GZMM: variants seen among roughly 807,000 people sequenced by gnomAD.
GZMM encodes the protein HU-Met-1.
In GZMM, 23 loss-of-function variants were observed where a neutral mutation model predicts 19.2. That is an observed-to-expected ratio of 1.20 (90% CI 0.86 to 1.69). The LOEUF (loss-of-function observed/expected upper bound fraction) is 1.69. Ranked by LOEUF, GZMM falls within the 40% of genes most tolerant of loss-of-function variation. The pLI is 0.00. For synonymous variants in GZMM, 178 were observed against 160.2 expected (o/e 1.11, Z -0.84); for missense variants, 373 against 352.2 (o/e 1.06, Z -0.47).
intron 1 of GZMM, among the ~76,000 whole-genome samples, chr19:544,486 C>T (rs114254777): frequency 0.018 from 2,801 of 152,180 alleles, 91 homozygotes; most frequent in African/African-American, 0.064. Flanking sequence ...ACTCGATCCC[C>T]GCTGGCTGCC....
Position 547,405 on chromosome 19 carries a change from G to A in GZMM, c.181G>A (p.Val61Met), listed in dbSNP as rs1378376363. ...CGGVLVHPKW[V>M]LTAAHCLAQR... ...GGGTGTCCTGGTGCACCCAAAGTGG[G>A]TGCTGACGGCTGCCCACTGCCTGGC... The change falls in exon 2 of 5, where the codon GTG (valine) becomes ATG (methionine). Residue 61 changes from valine to methionine, a missense_variant. Transcript: ENST00000264553. 1.3e-6 allele frequency: 2 copies of A among 1,502,480 alleles called. No individual in the cohort carries two copies. The highest frequency in any genetic ancestry group is 2.9e-5 in the African/African-American group (2 of 69,972). 93.1% of individuals were successfully genotyped at this position (1,502,480 alleles called of 1,614,324 possible). A position where few individuals can be genotyped will look rare whatever the true frequency, so the allele number is the denominator to read the frequency against.
At chr19:547,241 T>C in intron 1 of GZMM, 39 bp from the exon 2 acceptor site, 3 of 1,462,386 alleles carry the variant, frequency 2.1e-6, no homozygotes, top group South Asian at 1.4e-5. Flanking sequence ...AGCAGGGGCA[T>C]GTAGCCCCAA....
At position 547,222 on chromosome 19, in the gene GZMM, G is replaced by A. The variant is rs566770452; in HGVS notation, c.56-58G>A. 4.0e-5 allele frequency: 56 copies of A among 1,416,704 alleles called. No individual in the cohort carries two copies. The Middle Eastern group carries it at 7.5e-4, about 19-fold the overall frequency. 87.8% of individuals were successfully genotyped at this position (1,416,704 alleles called of 1,614,324 possible). A position where few individuals can be genotyped will look rare whatever the true frequency, so the allele number is the denominator to read the frequency against. The stretch of plus-strand genomic sequence containing the variant: ...GCCTCTGAGCTGGGCAAGGACAGTC[G>A]CAGCAGGCAGCAGGGGCATGTAGCC... On this transcript the variant is annotated intron_variant, in intron 1 of 4. Transcript: ENST00000264553.
At position 549,089 on chromosome 19, in the gene GZMM, C is replaced by T. The variant is rs891487006; in HGVS notation, c.516C>T (p.Asp172=). 2.5e-6 allele frequency: 4 copies of T among 1,587,084 alleles called. No individual in the cohort carries two copies. The highest frequency in any genetic ancestry group is 2.3e-5 in the East Asian group (1 of 43,818). The change falls in exon 4 of 5, where the codon GAC becomes GAT. Residue 172 remains aspartate (D), a synonymous_variant. Coordinates refer to ENST00000264553, the MANE Select transcript of GZMM (RefSeq NM_005317.4). Reference sequence around the variant, plus strand: ...GGGAGCTGGACCTCCAAGTGCTGGACACCCGCATGTGTAACAACAGCCGCT... The same window carrying T: ...GGGAGCTGGACCTCCAAGTGCTGGATACCCGCATGTGTAACAACAGCCGCT... ...VLRELDLQVL[D]TRMCNNSRFW...
intron 1 of GZMM, among the ~76,000 whole-genome samples, chr19:545,593 T>C (rs4919844): frequency 0.58 from 88,499 of 151,422 alleles, 28,405 homozygotes; most frequent in Non-Finnish European, 0.72. Context: ...GTGATCCGCC[T>C]GCCTCGGCCT....
intron 3 of GZMM, 40 bp downstream of exon 3, chr19:548,717 G>T (rs199959962): frequency 3.8e-6 from 6 of 1,599,300 alleles, no homozygotes; most frequent in Non-Finnish European, 5.1e-6. Context: ...GCACCCTCCT[G>T]TCCCCCACGG....
chr19:545,139 G>A (rs757220183), intron 1 of GZMM, among the ~76,000 whole-genome samples: 3 of 101,988 alleles, frequency 2.9e-5, no homozygotes, highest in Non-Finnish European at 6.0e-5. Flanking sequence ...GTATCCATCC[G>A]TATTTGCAGG....
At chr19:545,529 T>G (rs920748732) in intron 1 of GZMM, among the ~76,000 whole-genome samples, 20 of 151,806 alleles carry the variant, frequency 1.3e-4, no homozygotes, top group African/African-American at 4.4e-4. Context: ...GTATTTTTAG[T>G]AGAGACAGGG....
At chr19:549,500 G>A in intron 4 of GZMM, 130 bp from the exon 5 acceptor site, 1 of 955,542 alleles carries the variant, frequency 1.0e-6, no homozygotes, top group Non-Finnish European at 1.5e-6. Flanking sequence ...ACACGCGTGG[G>A]CCGGGAGCAG....
chr19:548,622 A>T lies in GZMM; in HGVS notation c.293A>T (p.Gln98Leu). ...ACCTTCCACATCAAGGCAGCCATCCAGCACCCTCGCTACAAGCCCGTCCCT... is the reference window on the plus strand; with the variant it reads ...ACCTTCCACATCAAGGCAGCCATCCTGCACCCTCGCTACAAGCCCGTCCCT... ...GLTFHIKAAI[Q>L]HPRYKPVPAL... is the part of the protein sequence containing the mutation. Residue 98 changes from glutamine to leucine, a missense_variant, in exon 3 of 5, where the codon CAG becomes CTG. Coordinates refer to ENST00000264553, the MANE Select transcript of GZMM (RefSeq NM_005317.4). 3.1e-6 allele frequency: 5 copies of T among 1,613,596 alleles called. No homozygotes were observed. Among genetic ancestry groups the T allele is most frequent in the Non-Finnish European group, 4.2e-6 (5 of 1,179,754 alleles).
At chr19:549,438 G>A (rs945985262) in intron 4 of GZMM, among the ~76,000 whole-genome samples, 192 bp from the exon 5 acceptor site, 5 of 152,326 alleles carry the variant, frequency 3.3e-5, no homozygotes, top group African/African-American at 9.6e-5. Flanking sequence ...AAGACGGTCC[G>A]GCGGGGGAAG....
At chr19:546,660 A>C (rs1003525246) in intron 1 of GZMM, among the ~76,000 whole-genome samples, 1 of 151,336 alleles carries the variant, frequency 6.6e-6, no homozygotes, top group Non-Finnish European at 1.5e-5. Context: ...TAACATGGTG[A>C]AACCCCATCT....
intron 1 of GZMM, among the ~76,000 whole-genome samples, chr19:545,833 CGG>C (rs1188714557): frequency 6.6e-6 from 1 of 151,210 alleles, no homozygotes; most frequent in Non-Finnish European, 1.5e-5. Flanking sequence ...TTAGTAGAGA[CGG>C]GGTTTCACCG....
chr19:547,432 C>T lies in GZMM; in HGVS notation c.208C>T (p.Gln70Ter). The change falls in exon 2 of 5, where the codon CAG becomes TAG. Residue 70 changes from glutamine to a stop codon, truncating the protein, a stop_gained. Coordinates refer to ENST00000264553, the MANE Select transcript of GZMM (RefSeq NM_005317.4). LOFTEE classifies it high-confidence loss of function. ...GCTGACGGCTGCCCACTGCCTGGCC[C>T]AGCGGTGAGTACCCTGCCCTGCCCA... ...WVLTAAHCLA[Q>*]RMAQLRLVLG... 6.9e-7 allele frequency: 1 copy of T among 1,456,034 alleles called. No homozygotes were observed. Among genetic ancestry groups the T allele is most frequent in the Non-Finnish European group, 9.1e-7 (1 of 1,101,472 alleles). 90.2% of individuals were successfully genotyped at this position (1,456,034 alleles called of 1,614,324 possible). A position where few individuals can be genotyped will look rare whatever the true frequency, so the allele number is the denominator to read the frequency against.
intron 1 of GZMM, among the ~76,000 whole-genome samples, chr19:545,507 C>T (rs530968058): frequency 1.3e-5 from 2 of 152,150 alleles, no homozygotes; most frequent in Admixed American, 6.5e-5. Flanking sequence ...GCCACCATGC[C>T]GGGCTAATTT....
intron 4 of GZMM, 68 bp downstream of exon 4, chr19:549,253 G>A (rs1218506016): frequency 7.2e-5 from 105 of 1,453,250 alleles, no homozygotes; most frequent in Middle Eastern, 2.4e-4. Context: ...GGCAGCCGCC[G>A]GGCAGGTTCC....
Position 544,117 on chromosome 19 carries a change from C to A in GZMM, c.46C>A (p.Leu16Met). 6.5e-7 allele frequency: 1 copy of A among 1,545,052 alleles called. No homozygotes were observed. The highest frequency in any genetic ancestry group is 8.8e-7 in the Non-Finnish European group (1 of 1,142,666). Residue 16 changes from leucine (L) to methionine (M), a missense_variant, in exon 1 of 5, where the codon CTG becomes ATG. Transcript: ENST00000264553. ...SSLLVLALGA[L>M]SVGSSFGTQI... is the part of the protein sequence containing the mutation. ...ACTGCTGGTGCTGGCCCTGGGGGCC[C>A]TGTCAGTAGGTGAGTGGGAGCCGGG...
chr19:547,326 C>T lies in GZMM; in HGVS notation c.102C>T (p.Pro34=). ...TQIIGGREVI[P]HSRPYMASLQ... ...TCATCGGGGGCCGGGAGGTGATCCC[C>T]CACTCGCGCCCGTACATGGCCTCAC... Residue 34 remains proline, a synonymous_variant, in exon 2 of 5, where the codon CCC becomes CCT. Transcript: ENST00000264553. 6.3e-7 allele frequency: 1 copy of T among 1,575,648 alleles called. No individual in the cohort carries two copies. Among genetic ancestry groups the T allele is most frequent in the Admixed American group, 1.8e-5 (1 of 55,042 alleles).
In GZMM at chr19:549,743, GGC is replaced by G; in HGVS notation, c.729_730del (p.Pro244LeufsTer?). 1 of 1,613,682 alleles carries G rather than the reference GGC, an allele frequency of 6.2e-7. No individual in the cohort carries two copies. The highest frequency in any genetic ancestry group is 8.5e-7 in the Non-Finnish European group (1 of 1,179,932). ...TCAAGCCTCCCGTGGCCACCGCTGTGGCGCCTTACGTGTCCTGGATCAGGAAG... is the reference window on the plus strand; with the variant it reads ...TCAAGCCTCCCGTGGCCACCGCTGTGGCCTTACGTGTCCTGGATCAGGAAG... ...IFKPPVATAV[A>X]PYVSWIRKVT... On this transcript the variant is annotated frameshift_variant, in exon 5 of 5. Transcript: ENST00000264553. LOFTEE classifies it low-confidence loss of function (END_TRUNC).
Sources: gnomAD v4.1 joint callset for allele counts (sites outside exome capture counted in the v4.1 genomes callset) on GRCh38, gnomAD v4.1.1 for gene constraint, MANE v1.5 for transcripts, NCBI Gene and HGNC (gene_info 2026-07-23, HGNC 2026-07-21) for gene names.